Variants in GABBR2 observed in about 807,000 individuals in gnomAD.
GABBR2 encodes the protein gamma-aminobutyric acid type B receptor subunit 2.
A neutral mutation model predicts 105.6 loss-of-function variants in GABBR2; 23 were observed. The observed-to-expected ratio is 0.22, with a 90% CI of 0.16 to 0.31. GABBR2 has a LOEUF of 0.31. GABBR2 is among the 10% of genes least tolerant of loss of function. The probability of loss-of-function intolerance (pLI) is 1.00; values close to 1 mark genes in which losing one functional copy is unlikely to be tolerated. For synonymous variants in GABBR2, 478 were observed against 499.7 expected (o/e 0.96, Z 0.58); for missense variants, 734 against 1,245.5 (o/e 0.59, Z 6.18).
At chr9:98,620,247 TTCTCTCTCTC>T (rs112127893) in intron 1 of GABBR2, among the ~76,000 whole-genome samples, 3 of 146,508 alleles carry the variant, frequency 2.0e-5, no homozygotes, top group South Asian at 2.2e-4. Flanking sequence ...TTTTCTCTCT[TTCTCTCTCTC>T]TCTCTCTCTC....
intron 1 of GABBR2, among the ~76,000 whole-genome samples, chr9:98,684,870 C>T (rs72731082): frequency 3.3e-5 from 5 of 152,312 alleles, no homozygotes; most frequent in Non-Finnish European, 7.3e-5. Flanking sequence ...TTCCTCAAGG[C>T]CAGCTGCTGC....
intron 13 of GABBR2, among the ~76,000 whole-genome samples, chr9:98,319,397 G>A (rs558626265): frequency 6.6e-6 from 1 of 151,966 alleles, no homozygotes; most frequent in South Asian, 2.1e-4. Flanking sequence ...GCTAGAAGCT[G>A]TCATTTCAAG....
intron 1 of GABBR2, among the ~76,000 whole-genome samples, chr9:98,586,448 T>C (rs1434592811): frequency 6.6e-6 from 1 of 152,120 alleles, no homozygotes; most frequent in Non-Finnish European, 1.5e-5. Flanking sequence ...CACAGGCACA[T>C]GCCACTGTGC....
intron 1 of GABBR2, among the ~76,000 whole-genome samples, chr9:98,661,817 C>G (rs1195144832): frequency 6.6e-6 from 1 of 152,180 alleles, no homozygotes; most frequent in Non-Finnish European, 1.5e-5. Context: ...CAGAAATTGC[C>G]TTGGCCTGAA....
chr9:98,295,496 G>C (rs990648531), intron 17 of GABBR2, among the ~76,000 whole-genome samples: 2 of 152,062 alleles, frequency 1.3e-5, no homozygotes, highest in Non-Finnish European at 2.9e-5. Context: ...TTGGCTGTGA[G>C]TGCAATGCTA....
At chr9:98,505,423 G>GGTGTGTGTGT (rs59702034) in intron 3 of GABBR2, among the ~76,000 whole-genome samples, 1,689 of 148,470 alleles carry the variant, frequency 0.011, 34 homozygotes, top group African/African-American at 0.039. Context: ...GCTGTATCCA[G>GGTGTGTGTGT]GTGTGTGTGT....
At chr9:98,606,996 G>A (rs1829434321) in intron 1 of GABBR2, 1 of 888,386 alleles carries the variant, frequency 1.1e-6, no homozygotes, top group Non-Finnish European at 1.9e-6. Flanking sequence ...ATGTCGCTCG[G>A]TAGCTCAACA....
chr9:98,521,784 G>A (rs1299084678), intron 3 of GABBR2, among the ~76,000 whole-genome samples: 1 of 151,966 alleles, frequency 6.6e-6, no homozygotes, highest in East Asian at 1.9e-4. Flanking sequence ...ACAATGAGGG[G>A]ACTCAAGAAG....
chr9:98,652,188 G>A (rs556896786), intron 1 of GABBR2, among the ~76,000 whole-genome samples: 1 of 152,156 alleles, frequency 6.6e-6, no homozygotes, highest in East Asian at 1.9e-4. Flanking sequence ...GCCTGGCACT[G>A]TTCCTGAGAT....
At chr9:98,432,868 G>A (rs933597669) in intron 7 of GABBR2, among the ~76,000 whole-genome samples, 5 of 152,166 alleles carry the variant, frequency 3.3e-5, no homozygotes, top group Non-Finnish European at 7.3e-5. Context: ...ATGGCCTCCA[G>A]TCTGGTCACC....
intron 1 of GABBR2, among the ~76,000 whole-genome samples, chr9:98,625,561 C>T (rs114318741): frequency 3.9e-5 from 6 of 152,312 alleles, no homozygotes; most frequent in East Asian, 1.9e-4. Context: ...GATATCCCCT[C>T]GCCAGGCTGC....
At chr9:98,435,152 G>C (rs372180387) in intron 7 of GABBR2, among the ~76,000 whole-genome samples, 3 of 152,296 alleles carry the variant, frequency 2.0e-5, no homozygotes, top group African/African-American at 4.8e-5. Flanking sequence ...TTCTGCATGA[G>C]TGGAATGTTT....
At chr9:98,568,522 C>A (rs2131770919) in intron 2 of GABBR2, among the ~76,000 whole-genome samples, 1 of 152,266 alleles carries the variant, frequency 6.6e-6, no homozygotes. Context: ...CTTCAAAGAG[C>A]ACAGAGCAGC....
chr9:98,311,060 T>C (rs778660705), intron 14 of GABBR2, 35 bp downstream of exon 14: 1 of 1,145,002 alleles, frequency 8.7e-7, no homozygotes, highest in Non-Finnish European at 1.3e-6. Context: ...CAAAGAAGTG[T>C]CCCCCCTCAA....
At position 98,290,622 on chromosome 9, in the gene GABBR2, C is replaced by A; in HGVS notation, c.2788G>T (p.Val930Leu). 1 of 1,441,520 alleles carries A rather than the reference C, an allele frequency of 6.9e-7. No individual in the cohort carries two copies. The highest frequency in any genetic ancestry group is 9.1e-7 in the Non-Finnish European group (1 of 1,100,454). The allele number at this position is 1,441,520 out of a possible 1,614,324, so 89.3% of individuals were successfully genotyped here. ...ACCATGACTCGGAAGGAGGGTGGCA[C>A]ATGTCTGTGGCGGGGGCTGGCGGTG... Reference protein sequence around the residue: ...SPTASPRHRHVPPSFRVMVSG... With the variant: ...SPTASPRHRHLPPSFRVMVSG... Residue 930 changes from valine (V) to leucine (L), a missense_variant, in exon 19 of 19, where the codon GTG (valine) becomes TTG (leucine). Physicochemically the swap from Val to Leu is conservative, Grantham distance 32 (BLOSUM62 1). Transcript: ENST00000259455.
At chr9:98,534,743 G>C (rs912799470) in intron 3 of GABBR2, among the ~76,000 whole-genome samples, 4 of 152,236 alleles carry the variant, frequency 2.6e-5, no homozygotes, top group Admixed American at 2.6e-4. Flanking sequence ...TGGAGAGGAT[G>C]GGGAGTCACA....
At chr9:98,683,988 A>G (rs1830585314) in intron 1 of GABBR2, among the ~76,000 whole-genome samples, 1 of 129,726 alleles carries the variant, frequency 7.7e-6, no homozygotes, top group Non-Finnish European at 1.6e-5. Flanking sequence ...AGCCTGGGCG[A>G]CAGAGCGAGA....
At chr9:98,424,670 C>T (rs1034800388) in intron 7 of GABBR2, among the ~76,000 whole-genome samples, 14 of 149,868 alleles carry the variant, frequency 9.3e-5, no homozygotes, top group African/African-American at 3.2e-4. Context: ...AAATCACAAG[C>T]ATTCTTATAC....
chr9:98,694,221 G>T (rs1199175331), intron 1 of GABBR2, among the ~76,000 whole-genome samples: 1 of 152,124 alleles, frequency 6.6e-6, no homozygotes, highest in East Asian at 1.9e-4. Context: ...CACCCAACTA[G>T]CAACCCCCCA....
Sources: gnomAD v4.1 joint callset for allele counts (sites outside exome capture counted in the v4.1 genomes callset) on GRCh38, gnomAD v4.1.1 for gene constraint, MANE v1.5 for transcripts, NCBI Gene and HGNC (gene_info 2026-07-23, HGNC 2026-07-21) for gene names.